Variants in ADAM32 observed in about 807,000 individuals in gnomAD.
The protein encoded by ADAM32 is disintegrin and metalloproteinase domain-containing protein 32.
Under a neutral mutation model 114.9 loss-of-function variants are expected in ADAM32, and 89 were observed. The ratio of observed to expected loss-of-function variants is 0.77; its 90% CI spans 0.65 to 0.92. The LOEUF (loss-of-function observed/expected upper bound fraction) is 0.92. Ranked by LOEUF, ADAM32 falls within the 40% of genes least tolerant of loss-of-function variation. The pLI is 0.00. For missense variants in ADAM32, 870 were observed against 932.8 expected (o/e 0.93, Z 0.88); for synonymous variants, 285 against 307.5 (o/e 0.93, Z 0.77).
At chr8:39,259,081 TC>T (rs377608030) in intron 19 of ADAM32, among the ~76,000 whole-genome samples, 99 of 152,280 alleles carry the variant, frequency 6.5e-4, no homozygotes, top group African/African-American at 2.3e-3. Flanking sequence ...TTCATTATGC[TC>T]ATATGCTTAA....
intron 14 of ADAM32, among the ~76,000 whole-genome samples, chr8:39,225,513 C>A (rs373259501): frequency 3.3e-5 from 5 of 152,284 alleles, no homozygotes; most frequent in African/African-American, 1.2e-4. Context: ...GCCCTCAAAC[C>A]AGACCTTGTG....
chr8:39,221,727 T>C, intron 13 of ADAM32, 25 bp downstream of exon 13: 1 of 1,549,952 alleles, frequency 6.5e-7, no homozygotes, highest in Non-Finnish European at 8.9e-7. Context: ...TATGAACATC[T>C]TTCAAATATA....
intron 22 of ADAM32, among the ~76,000 whole-genome samples, chr8:39,279,115 C>T (rs1455828764): frequency 6.6e-6 from 1 of 151,974 alleles, no homozygotes; most frequent in Non-Finnish European, 1.5e-5. Flanking sequence ...TTTATTTATC[C>T]AGCTCTAGAT....
intron 2 of ADAM32, among the ~76,000 whole-genome samples, chr8:39,123,002 A>C (rs949070979): frequency 3.9e-5 from 6 of 152,228 alleles, no homozygotes; most frequent in African/African-American, 1.2e-4. Flanking sequence ...CTCATAGTCT[A>C]TGAGCCAATT....
intron 11 of ADAM32, among the ~76,000 whole-genome samples, chr8:39,208,959 T>C (rs1808033469): frequency 6.6e-6 from 1 of 152,204 alleles, no homozygotes; most frequent in South Asian, 2.1e-4. Context: ...CATTATTATT[T>C]ATTTGAATAA....
rs545696122 is a variant in ADAM32, at chr8:39,197,653, T to G, written c.1052+10608T>G. 5.3e-5 allele frequency among the ~76,000 whole-genome samples: 8 copies of G among 152,326 alleles called. No individual in the cohort carries two copies. The East Asian group carries it at 1.5e-3, about 29-fold the overall frequency. On this transcript the variant is annotated intron_variant, in intron 11 of 24. Transcript: ENST00000379907. Reference sequence around the variant, plus strand: ...AATTCCTATTATTATTGATTTTTACTTTTATTTCATATGGTCTAAGAAGGT... The same window carrying G: ...AATTCCTATTATTATTGATTTTTACGTTTATTTCATATGGTCTAAGAAGGT...
intron 1 of ADAM32, among the ~76,000 whole-genome samples, chr8:39,109,441 G>T (rs550733014): frequency 2.0e-3 from 311 of 152,156 alleles, no homozygotes; most frequent in Non-Finnish European, 3.4e-3. Context: ...CAGCTACTCG[G>T]GAAGCTGAGG....
chr8:39,279,903 A>G (rs1813322625), intron 22 of ADAM32, among the ~76,000 whole-genome samples: 1 of 152,122 alleles, frequency 6.6e-6, no homozygotes, highest in Admixed American at 6.5e-5. Context: ...GGATGAGAGT[A>G]TTTCAGGTTT....
chr8:39,274,485 T>C, intron 21 of ADAM32, 135 bp downstream of exon 21: 1 of 913,406 alleles, frequency 1.1e-6, no homozygotes. Context: ...ACTGCTAATA[T>C]ACAGTTGAAT....
At chr8:39,123,731 G>C (rs1455753278) in intron 2 of ADAM32, among the ~76,000 whole-genome samples, 1 of 137,186 alleles carries the variant, frequency 7.3e-6, no homozygotes, top group Admixed American at 7.3e-5. Flanking sequence ...GTTTGAGTTG[G>C]AGTCTCACTC....
At chr8:39,267,364 A>G (rs919158729) in intron 19 of ADAM32, among the ~76,000 whole-genome samples, 13 of 152,206 alleles carry the variant, frequency 8.5e-5, no homozygotes, top group African/African-American at 3.1e-4. Flanking sequence ...TGGATTATTT[A>G]CATCACCATA....
At chr8:39,165,637 A>G (rs962566965) in intron 9 of ADAM32, 1 of 152,346 alleles carries the variant, frequency 6.6e-6, no homozygotes, top group Non-Finnish European at 1.5e-5. Context: ...TAATTTTAAA[A>G]TGTTAGTTTT....
At chr8:39,177,352 T>G (rs1410760251) in intron 10 of ADAM32, among the ~76,000 whole-genome samples, 1 of 152,142 alleles carries the variant, frequency 6.6e-6, no homozygotes, top group African/African-American at 2.4e-5. Flanking sequence ...GCTTGAGTGA[T>G]TGCTCCCAGC....
intron 16 of ADAM32, 101 bp from the exon 17 acceptor site, chr8:39,245,982 T>A (rs913046795): frequency 2.1e-6 from 2 of 938,394 alleles, no homozygotes. Context: ...ATTTGTATCA[T>A]TGAATGGCTA....
chr8:39,260,931 T>C (rs995688739), intron 19 of ADAM32, among the ~76,000 whole-genome samples: 33 of 152,212 alleles, frequency 2.2e-4, no homozygotes, highest in Non-Finnish European at 4.3e-4. Context: ...TATTTTTTCA[T>C]ATATTTTTAA....
chr8:39,200,050 T>C (rs563067558), intron 11 of ADAM32, among the ~76,000 whole-genome samples: 1 of 152,350 alleles, frequency 6.6e-6, no homozygotes, highest in East Asian at 1.9e-4. Flanking sequence ...GTTCCAAGTC[T>C]TTGCTATTGT....
intron 10 of ADAM32, among the ~76,000 whole-genome samples, chr8:39,175,397 A>T (rs1159095912): frequency 2.0e-5 from 3 of 151,090 alleles, no homozygotes; most frequent in Non-Finnish European, 4.4e-5. Flanking sequence ...TAACATGAAA[A>T]TTTTTTCAAA....
intron 10 of ADAM32, among the ~76,000 whole-genome samples, chr8:39,171,221 A>G (rs1035480387): frequency 6.6e-6 from 1 of 152,152 alleles, no homozygotes; most frequent in African/African-American, 2.4e-5. Flanking sequence ...CTGGGATTAC[A>G]GGCATGAGCC....
intron 10 of ADAM32, among the ~76,000 whole-genome samples, chr8:39,174,542 G>T (rs1047193040): frequency 3.3e-5 from 5 of 151,410 alleles, no homozygotes; most frequent in Admixed American, 6.6e-5. Flanking sequence ...AAGTTTTAGG[G>T]TACATGTGCA....
Sources: allele counts gnomAD v4.1 joint callset (sites outside exome capture counted in the v4.1 genomes callset), GRCh38; gene constraint gnomAD v4.1.1; transcripts MANE v1.5; gene names NCBI Gene and HGNC (gene_info 2026-07-23, HGNC 2026-07-21).